The following PIGU variants were observed in gnomAD, a reference collection of about 807,000 sequenced individuals.
PIGU encodes the protein phosphatidylinositol glycan anchor biosynthesis class U, also known as GPI-anchor transamidase component PIGU.
In PIGU, 24 loss-of-function variants were observed where a neutral mutation model predicts 49.9. The ratio of observed to expected loss-of-function variants is 0.48; its 90% CI spans 0.35 to 0.68. PIGU has a LOEUF of 0.68. Ranked by LOEUF, PIGU falls within the 30% of genes least tolerant of loss-of-function variation. The pLI is 0.01. For missense variants in PIGU, 490 were observed against 532.6 expected (o/e 0.92, Z 0.79); for synonymous variants, 220 against 205.7 (o/e 1.07, Z -0.59).
chr20:34,581,469 C>T, intron 10 of PIGU, 79 bp downstream of exon 10: 1 of 1,551,524 alleles, frequency 6.4e-7, no homozygotes, highest in Middle Eastern at 2.3e-4. Context: ...TGGTAAATGC[C>T]TATGAATTCC....
intron 1 of PIGU, among the ~76,000 whole-genome samples, chr20:34,672,831 G>A (rs949178344): frequency 7.1e-6 from 1 of 141,754 alleles, no homozygotes; most frequent in Non-Finnish European, 1.5e-5. Context: ...CTCCAGCCTG[G>A]GAGACAGAGT....
intron 11 of PIGU, among the ~76,000 whole-genome samples, chr20:34,561,771 T>C (rs536923995): frequency 2.0e-5 from 3 of 152,150 alleles, no homozygotes; most frequent in Admixed American, 2.0e-4. Flanking sequence ...GCAGGATCTT[T>C]ACTGTTTCTT....
At chr20:34,616,980 G>A (rs1985036540) in intron 6 of PIGU, among the ~76,000 whole-genome samples, 1 of 152,178 alleles carries the variant, frequency 6.6e-6, no homozygotes, top group African/African-American at 2.4e-5. Context: ...CGTAGTGGTG[G>A]TGACCTGTAA....
chr20:34,588,440 G>A lies in PIGU; in HGVS notation c.782+13C>T, dbSNP rs778022729. 2 of 1,608,098 alleles carry A rather than the reference G, an allele frequency of 1.2e-6. No individual in the cohort carries two copies. Among genetic ancestry groups the A allele is most frequent in the South Asian group, 1.1e-5 (1 of 90,302 alleles). Reference sequence around the variant, plus strand: ...CACAGCTTCTAGAATTTTCTAACGTGGTCATTACTTACATAAAGCCATAGA... The same window carrying A: ...CACAGCTTCTAGAATTTTCTAACGTAGTCATTACTTACATAAAGCCATAGA... On this transcript the variant is annotated intron_variant, in intron 8 of 11. Transcript: ENST00000217446.
rs536127989 is a variant in PIGU, at chr20:34,580,319, C to T, written c.1051+1229G>A. On this transcript the variant is annotated intron_variant, in intron 10 of 11. Coordinates refer to ENST00000217446, the MANE Select transcript of PIGU (RefSeq NM_080476.5). ...TGTCTGTGCAGAGAGGATGTCACCA[C>T]AGAAGACACTGCTTCCTCCTCCCAG... Among the ~76,000 whole-genome samples, 5 of 152,258 alleles carry T rather than the reference C, an allele frequency of 3.3e-5. No individual in the cohort carries two copies. The East Asian group carries it at 9.6e-4, about 29-fold the overall frequency.
chr20:34,651,437 G>A (rs181502663), intron 2 of PIGU, among the ~76,000 whole-genome samples: 2 of 152,262 alleles, frequency 1.3e-5, no homozygotes, highest in Non-Finnish European at 2.9e-5. Context: ...CAGACTGTTC[G>A]TATTACTTTT....
At chr20:34,650,699 T>C (rs1466723125) in intron 2 of PIGU, among the ~76,000 whole-genome samples, 2 of 95,320 alleles carry the variant, frequency 2.1e-5, no homozygotes, top group East Asian at 3.0e-4. Flanking sequence ...TCTTTTTTTC[T>C]CTTTTTTTTT....
At chr20:34,641,034 C>G (rs1986143103) in intron 4 of PIGU, among the ~76,000 whole-genome samples, 1 of 152,074 alleles carries the variant, frequency 6.6e-6, no homozygotes, top group African/African-American at 2.4e-5. Flanking sequence ...GCTGGGATTA[C>G]AGGCGCCCAC....
intron 11 of PIGU, chr20:34,562,403 T>A: frequency 7.8e-7 from 1 of 1,282,854 alleles, no homozygotes; most frequent in Non-Finnish European, 1.0e-6. Flanking sequence ...GATCTAGACC[T>A]CCAGACCCTG....
chr20:34,618,732 A>G (rs1377625526), intron 6 of PIGU, among the ~76,000 whole-genome samples: 2 of 152,206 alleles, frequency 1.3e-5, no homozygotes, highest in African/African-American at 4.8e-5. Context: ...GGCTGCAGTG[A>G]GCTAAGACTG....
intron 6 of PIGU, among the ~76,000 whole-genome samples, chr20:34,621,084 C>A (rs920736374): frequency 3.3e-5 from 5 of 151,668 alleles, no homozygotes; most frequent in Middle Eastern, 6.9e-3. Flanking sequence ...TTATAATAAT[C>A]TGCATATGTT....
chr20:34,646,975 C>T (rs1986369145), intron 2 of PIGU, among the ~76,000 whole-genome samples: 1 of 151,890 alleles, frequency 6.6e-6, no homozygotes, highest in East Asian at 1.9e-4. Context: ...CAGGTGCCTG[C>T]CACCACACCC....
At chr20:34,658,878 A>C (rs1229856890) in intron 1 of PIGU, among the ~76,000 whole-genome samples, 2 of 148,746 alleles carry the variant, frequency 1.3e-5, no homozygotes, top group African/African-American at 5.0e-5. Flanking sequence ...TCCGCCCGGC[A>C]GCCACCCCGT....
intron 4 of PIGU, among the ~76,000 whole-genome samples, chr20:34,641,679 TA>T (rs1422678915): frequency 1.3e-5 from 2 of 152,046 alleles, no homozygotes; most frequent in Admixed American, 6.6e-5. Context: ...TTACCAAGGA[TA>T]AAAAGACTCA....
chr20:34,574,861 T>C (rs1426843221), intron 11 of PIGU, among the ~76,000 whole-genome samples: 2 of 152,204 alleles, frequency 1.3e-5, no homozygotes, highest in Non-Finnish European at 2.9e-5. Context: ...CCCTGTCTCC[T>C]AGGCTTGCTG....
Position 34,657,217 on chromosome 20 carries a change from A to C in PIGU, c.158T>G (p.Leu53Trp). 6.2e-7 allele frequency: 1 copy of C among 1,613,140 alleles called. No individual in the cohort carries two copies. The highest frequency in any genetic ancestry group is 8.5e-7 in the Non-Finnish European group (1 of 1,179,120). Residue 53 changes from leucine (L) to tryptophan (W), a missense_variant, in exon 2 of 12, where the codon TTG (leucine) becomes TGG (tryptophan). By Grantham distance (61) the Leu-to-Trp change is moderately conservative. Transcript: ENST00000217446. ...TGCTCCAGAATACGGAGATACTCCC[A>C]AGTCCAACAGTGAAAGGCCTTCAAC... ...RVVEGLSLLDLGVSPYSGAVF... is the reference protein window; with the variant it reads ...RVVEGLSLLDWGVSPYSGAVF...
At chr20:34,624,506 C>CT (rs965402945) in intron 6 of PIGU, among the ~76,000 whole-genome samples, 1 of 152,184 alleles carries the variant, frequency 6.6e-6, no homozygotes, top group African/African-American at 2.4e-5. Context: ...GTCACATGGC[C>CT]TTTTTTGGTG....
chr20:34,563,691 C>T (rs1179557501), intron 11 of PIGU, among the ~76,000 whole-genome samples: 1 of 152,064 alleles, frequency 6.6e-6, no homozygotes, highest in African/African-American at 2.4e-5. Context: ...TATCCCCCTC[C>T]CATAGAAGGA....
chr20:34,661,249 G>C (rs1474573348), intron 1 of PIGU, among the ~76,000 whole-genome samples: 1 of 152,040 alleles, frequency 6.6e-6, no homozygotes, highest in African/African-American at 2.4e-5. Context: ...TACATGTCCA[G>C]GTTTGTTACA....
Sources: allele counts gnomAD v4.1 joint callset (sites outside exome capture counted in the v4.1 genomes callset), GRCh38; gene constraint gnomAD v4.1.1; transcripts MANE v1.5; gene names NCBI Gene and HGNC (gene_info 2026-07-23, HGNC 2026-07-21).